AFG3L2: variants seen among roughly 807,000 people sequenced by gnomAD.
The protein encoded by AFG3L2 is mitochondrial inner membrane m-AAA protease component AFG3L2.
A neutral mutation model predicts 94.5 loss-of-function variants in AFG3L2; 54 were observed. That is an observed-to-expected ratio of 0.57 (90% CI 0.46 to 0.72). The LOEUF is 0.72. Among genes scored for constraint, AFG3L2 ranks in the 30% least tolerant of loss-of-function variants. AFG3L2 has a pLI of 0.00. For synonymous variants in AFG3L2, 377 were observed against 365.5 expected (o/e 1.03, Z -0.36); for missense variants, 754 against 994.9 (o/e 0.76, Z 3.26).
intron 6 of AFG3L2, among the ~76,000 whole-genome samples, chr18:12,360,523 T>C (rs8093888): frequency 0.015 from 2,295 of 152,182 alleles, 46 homozygotes; most frequent in African/African-American, 0.052. Context: ...CTGAGGACCA[T>C]CCTAAGAAGC....
At chr18:12,333,793 C>T (rs1484278029) in intron 16 of AFG3L2, among the ~76,000 whole-genome samples, 1 of 152,204 alleles carries the variant, frequency 6.6e-6, no homozygotes, top group Non-Finnish European at 1.5e-5. Flanking sequence ...CAGCGGCCAC[C>T]AAGTGCTCGG....
In AFG3L2 at chr18:12,329,321, C is replaced by T. The variant is rs533711447; in HGVS notation, c.*244G>A. 4.3e-5 allele frequency: 29 copies of T among 675,348 alleles called. No individual in the cohort carries two copies. Among genetic ancestry groups the T allele is most frequent in the South Asian group, 6.3e-5 (4 of 63,072 alleles). 41.8% of individuals were successfully genotyped at this position (675,348 alleles called of 1,614,324 possible). On this transcript the variant is annotated 3_prime_UTR_variant, in exon 17 of 17. Coordinates refer to ENST00000269143, the MANE Select transcript of AFG3L2 (RefSeq NM_006796.3). ...CACTCTGGGCTCAACCTTTCCAGCA[C>T]GTCTGGGAGCCCAATGAGGCTATGG...
chr18:12,350,635 G>C (rs952978314), intron 12 of AFG3L2, among the ~76,000 whole-genome samples: 2 of 152,180 alleles, frequency 1.3e-5, no homozygotes, highest in Non-Finnish European at 2.9e-5. Flanking sequence ...GTGTATGTTT[G>C]AAATTTCCCA....
At chr18:12,374,001 C>T (rs1909067821) in intron 1 of AFG3L2, among the ~76,000 whole-genome samples, 1 of 152,100 alleles carries the variant, frequency 6.6e-6, no homozygotes, top group African/African-American at 2.4e-5. Context: ...CCATATAAAG[C>T]AAGTCTTTAT....
chr18:12,347,931 G>T (rs923255816), intron 13 of AFG3L2, among the ~76,000 whole-genome samples: 3 of 152,182 alleles, frequency 2.0e-5, no homozygotes, highest in African/African-American at 7.2e-5. Context: ...AAACAGGAAG[G>T]TTGTGAGCTT....
intron 1 of AFG3L2, among the ~76,000 whole-genome samples, chr18:12,374,281 C>A (rs1909076137): frequency 1.3e-5 from 2 of 152,122 alleles, no homozygotes; most frequent in Non-Finnish European, 2.9e-5. Context: ...GTTGAGAGCA[C>A]CGCATTTTGG....
chr18:12,329,093 A>G lies in AFG3L2; in HGVS notation c.*472T>C, dbSNP rs1568130105. The G allele has an allele frequency of 1.3e-5, 9 of 702,090 alleles. No individual in the cohort carries two copies. Among genetic ancestry groups the G allele is most frequent in the Non-Finnish European group, 1.3e-5 (5 of 384,514 alleles). 43.5% of individuals were successfully genotyped at this position (702,090 alleles called of 1,614,324 possible). ...CAAGTGATCTGGATTCAATCTTTAA[A>G]ATATTAAGTCAAATTAAAATGTTCT... On this transcript the variant is annotated 3_prime_UTR_variant, in exon 17 of 17. Transcript: ENST00000269143.
intron 1 of AFG3L2, among the ~76,000 whole-genome samples, chr18:12,376,483 A>G (rs11663837): frequency 0.36 from 54,448 of 152,080 alleles, 11,932 homozygotes; most frequent in East Asian, 0.56. Flanking sequence ...GACATTCTTA[A>G]TAATAATAGC....
intron 5 of AFG3L2, among the ~76,000 whole-genome samples, chr18:12,365,762 T>TA (rs1300309990): frequency 1.3e-5 from 2 of 152,320 alleles, no homozygotes; most frequent in Admixed American, 6.5e-5. Flanking sequence ...CATGTCGTCT[T>TA]ACTTTATCCA....
Position 12,351,092 on chromosome 18 carries a change from C to A in AFG3L2, c.1545G>T (p.Gly515=), listed in dbSNP as rs1424508969. Residue 515 remains glycine (G), a synonymous_variant, in exon 12 of 17, where the codon GGG becomes GGT. Coordinates refer to ENST00000269143, the MANE Select transcript of AFG3L2 (RefSeq NM_006796.3). The part of the protein sequence containing the change: ...LARKLASLTP[G]FSGADVANVC... Reference sequence around the variant, plus strand: ...TCGTTATTTTCCACTCACCTGAAAACCCTGGAGTTAAAGATGCCAGTTTTC... The same window carrying A: ...TCGTTATTTTCCACTCACCTGAAAAACCTGGAGTTAAAGATGCCAGTTTTC... 1 of 1,612,694 alleles carries A rather than the reference C, an allele frequency of 6.2e-7. No homozygotes were observed. The highest frequency in any genetic ancestry group is 2.2e-5 in the East Asian group (1 of 44,902).
At chr18:12,365,334 C>A (rs1418422143) in intron 5 of AFG3L2, among the ~76,000 whole-genome samples, 1 of 152,182 alleles carries the variant, frequency 6.6e-6, no homozygotes, top group South Asian at 2.1e-4. Flanking sequence ...ACGGCTGCAG[C>A]CCAGTCCACA....
chr18:12,351,229 A>C lies in AFG3L2; in HGVS notation c.1427-19T>G, dbSNP rs1339223005. 1 of 1,614,026 alleles carries C rather than the reference A, an allele frequency of 6.2e-7. No individual in the cohort carries two copies. The highest frequency in any genetic ancestry group is 1.7e-5 in the Admixed American group (1 of 59,998). On this transcript the variant is annotated intron_variant, in intron 11 of 16. Coordinates refer to ENST00000269143, the MANE Select transcript of AFG3L2 (RefSeq NM_006796.3). The stretch of plus-strand genomic sequence containing the variant: ...GGTGGTCCTTTAGAAATCATTTTTA[A>C]GGAAAAGAAAATCATATTGAAACAG...
chr18:12,359,355 T>C (rs868176423), intron 7 of AFG3L2, among the ~76,000 whole-genome samples: 6 of 152,112 alleles, frequency 3.9e-5, no homozygotes, highest in African/African-American at 1.4e-4. Flanking sequence ...GGTCAATGCA[T>C]TGAATGTTAA....
chr18:12,333,571 C>T (rs976461884), intron 16 of AFG3L2, among the ~76,000 whole-genome samples: 1 of 151,382 alleles, frequency 6.6e-6, no homozygotes, highest in South Asian at 2.1e-4. Flanking sequence ...CACCATGTTG[C>T]CCAGGCTAGT....
chr18:12,337,243 G>T, intron 16 of AFG3L2, 98 bp downstream of exon 16: 1 of 1,060,186 alleles, frequency 9.4e-7, no homozygotes, highest in Non-Finnish European at 1.5e-6. Context: ...CAGAGAGAGG[G>T]AATTCTGCAG....
intron 16 of AFG3L2, among the ~76,000 whole-genome samples, chr18:12,335,008 A>T (rs1170008775): frequency 6.6e-6 from 1 of 152,182 alleles, no homozygotes; most frequent in Non-Finnish European, 1.5e-5. Context: ...TTAAGCTTGG[A>T]AACTGAGTTG....
chr18:12,345,975 C>G (rs1244642398), intron 13 of AFG3L2, among the ~76,000 whole-genome samples: 1 of 152,144 alleles, frequency 6.6e-6, no homozygotes, highest in Non-Finnish European at 1.5e-5. Context: ...ACTGGAAGCC[C>G]CACTCGTCTG....
intron 9 of AFG3L2, among the ~76,000 whole-genome samples, chr18:12,356,069 T>C (rs1009980467): frequency 1.3e-4 from 20 of 149,684 alleles, no homozygotes; most frequent in Non-Finnish European, 2.4e-4. Flanking sequence ...CTGTATACTT[T>C]ACAGGGATCA....
At chr18:12,349,859 G>A (rs759122990) in intron 12 of AFG3L2, among the ~76,000 whole-genome samples, 11 of 151,924 alleles carry the variant, frequency 7.2e-5, no homozygotes, top group Non-Finnish European at 4.4e-5. Flanking sequence ...ACAGGGTTTC[G>A]CCTCATTGGC....
Sources: gnomAD v4.1 joint callset for allele counts (sites outside exome capture counted in the v4.1 genomes callset) on GRCh38, gnomAD v4.1.1 for gene constraint, MANE v1.5 for transcripts, NCBI Gene and HGNC (gene_info 2026-07-23, HGNC 2026-07-21) for gene names.